Variants in CEP83 observed in about 807,000 individuals in gnomAD.
CEP83 encodes the protein centrosomal protein 83, also known as centrosomal protein of 83 kDa.
A neutral mutation model predicts 101.9 loss-of-function variants in CEP83; 70 were observed. That is an observed-to-expected ratio of 0.69 (90% CI 0.57 to 0.84). The LOEUF (loss-of-function observed/expected upper bound fraction) is 0.84. CEP83 is among the 40% of genes least tolerant of loss of function. The pLI is 0.00. For synonymous variants in CEP83, 264 were observed against 267.9 expected, an observed-to-expected ratio of 0.99 and a Z score of 0.14; for missense variants, 715 against 787.2, an observed-to-expected ratio of 0.91 and a Z score of 1.10.
intron 2 of CEP83, among the ~76,000 whole-genome samples, chr12:94,419,588 A>G (rs190953922): frequency 1.5e-3 from 232 of 152,300 alleles, no homozygotes; most frequent in Non-Finnish European, 2.8e-3. Flanking sequence ...ACTTTACTAT[A>G]TATCAGTACT....
At chr12:94,301,511 C>T (rs1001023256), downstream of CEP83, among the ~76,000 whole-genome samples, 7 of 152,214 alleles carry the variant, frequency 4.6e-5, no homozygotes, top group Admixed American at 3.3e-4. Flanking sequence ...CTAATCAAAG[C>T]ATGAGTACTG....
At chr12:94,441,335 C>G (rs182008674) in intron 1 of CEP83, among the ~76,000 whole-genome samples, 144 of 152,166 alleles carry the variant, frequency 9.5e-4, no homozygotes, top group African/African-American at 3.4e-3. Flanking sequence ...AAGAAAAAAA[C>G]CAAATATTCC....
Position 94,445,373 on chromosome 12 carries a change from T to G in CEP83, c.-154-10046A>C, listed in dbSNP as rs182851129. Among the ~76,000 whole-genome samples the G allele has an allele frequency of 1.3e-3, 197 of 151,934 alleles. 1 individual carries two copies. Among genetic ancestry groups the G allele is most frequent in the African/African-American group, 4.6e-3 (189 of 41,444 alleles). On this transcript the variant is annotated intron_variant, in intron 1 of 16. Transcript: ENST00000397809. ...AGAGGCCTGAATTAAAAACCTAAAC[T>G]ATAAACCTCCTAAAAAAAAATACAG...
downstream of CEP83, chr12:94,304,202 A>G (rs1968772328): frequency 6.8e-6 from 4 of 588,198 alleles, no homozygotes; most frequent in South Asian, 6.6e-5. Context: ...CCTGGCACTG[A>G]GCCAGACCCT....
intron 1 of CEP83, among the ~76,000 whole-genome samples, chr12:94,448,284 C>T (rs2066957982): frequency 6.6e-6 from 1 of 151,862 alleles, no homozygotes; most frequent in African/African-American, 2.4e-5. Context: ...TCCATCTAAC[C>T]AAAGAACCCC....
intron 2 of CEP83, among the ~76,000 whole-genome samples, chr12:94,433,710 T>C (rs1402329535): frequency 6.6e-6 from 1 of 151,132 alleles, no homozygotes; most frequent in Non-Finnish European, 1.5e-5. Context: ...AAAAGAAAAT[T>C]AATTTGGGGG....
intron 6 of CEP83, among the ~76,000 whole-genome samples, chr12:94,393,559 C>T (rs573603771): frequency 6.4e-4 from 97 of 152,300 alleles, no homozygotes; most frequent in African/African-American, 2.2e-3. Context: ...CCTTTAAAAA[C>T]CAGCACAAGA....
In CEP83 at chr12:94,335,439, T is replaced by C. The variant is rs1026999375; in HGVS notation, c.1419+150A>G. ...ATAGAAGTTTAAACATTTTAAAACA[T>C]TTTATCTTTACATATCACCTCCAAC... On this transcript the variant is annotated intron_variant, in intron 12 of 16. Coordinates refer to ENST00000397809, the MANE Select transcript of CEP83 (RefSeq NM_016122.3). The C allele has an allele frequency of 2.9e-5, 17 of 588,018 alleles. No homozygotes were observed. In the African/African-American group the frequency reaches 3.3e-4, roughly 11 times the overall value. The allele number at this position is 588,018 out of a possible 1,614,324, so 36.4% of individuals were successfully genotyped here.
intron 14 of CEP83, among the ~76,000 whole-genome samples, chr12:94,330,983 C>T (rs1022756089): frequency 5.3e-5 from 8 of 152,052 alleles, no homozygotes; most frequent in Non-Finnish European, 1.2e-4. Flanking sequence ...CAACTATATA[C>T]TTTATTCTCC....
chr12:94,427,115 T>C (rs1394989466), intron 2 of CEP83, among the ~76,000 whole-genome samples: 1 of 152,248 alleles, frequency 6.6e-6, no homozygotes, highest in Non-Finnish European at 1.5e-5. Flanking sequence ...TCTAACACAA[T>C]TTTAAATTCC....
Position 94,335,633 on chromosome 12 carries a change from C to A in CEP83, c.1375G>T (p.Glu459Ter). ...TCATTTTTTTCCTTCTCTGCATTTT[C>A]AATAGTCACAATTTGTTGCTGAAGT... ...LKLQQQIVTIENAEKEKNENS... is the reference protein window; with the variant it reads ...LKLQQQIVTI The change falls in exon 12 of 17, where the codon GAA (glutamate) becomes TAA (stop). Residue 459 changes from glutamate to a stop codon, truncating the protein, a stop_gained. Transcript: ENST00000397809. LOFTEE classifies it high-confidence loss of function. 1 of 1,585,608 alleles carries A rather than the reference C, an allele frequency of 6.3e-7. No homozygotes were observed. Among genetic ancestry groups the A allele is most frequent in the East Asian group, 2.3e-5 (1 of 43,318 alleles).
At chr12:94,348,748 A>G (rs1358787127) in intron 11 of CEP83, among the ~76,000 whole-genome samples, 4 of 152,150 alleles carry the variant, frequency 2.6e-5, no homozygotes, top group African/African-American at 7.2e-5. Context: ...ATGCATTGAA[A>G]ACTGCAATGC....
chr12:94,299,273 T>TAATA, the CEP83 span, among the ~76,000 whole-genome samples: 2 of 152,234 alleles, frequency 1.3e-5, no homozygotes, highest in South Asian at 2.1e-4. Context: ...TTTTATATTT[T>TAATA]AATATTTTAC....
intron 11 of CEP83, among the ~76,000 whole-genome samples, chr12:94,353,718 A>C (rs1177247352): frequency 6.9e-6 from 1 of 145,258 alleles, no homozygotes; most frequent in Non-Finnish European, 1.5e-5. Flanking sequence ...ACATAGTCTG[A>C]AAACGAAGTG....
chr12:94,447,041 AAC>A (rs1461337474), intron 1 of CEP83, among the ~76,000 whole-genome samples: 1 of 152,222 alleles, frequency 6.6e-6, no homozygotes, highest in Non-Finnish European at 1.5e-5. Context: ...TTTTTAAAGA[AAC>A]ACAAAAAACT....
rs753506333 is a variant in CEP83 at position 94,412,439 on chromosome 12, G to A, written c.52C>T (p.Pro18Ser). 2 of 1,612,460 alleles carry A rather than the reference G, an allele frequency of 1.2e-6. No homozygotes were observed. Among genetic ancestry groups the A allele is most frequent in the Non-Finnish European group, 1.7e-6 (2 of 1,179,322 alleles). Residue 18 changes from proline (P) to serine (S), a missense_variant, in exon 3 of 17, where the codon CCT becomes TCT. Physicochemically the swap from Pro to Ser is moderately conservative, Grantham distance 74. Transcript: ENST00000397809. ...CCTGTCAATCCACTGTCTCCACCAG[G>A]AGGAAAATTATTGGGAAAAGTGTCC... ...DMDTFPNNFP[P>S]GGDSGLTGSQ...
intron 14 of CEP83, among the ~76,000 whole-genome samples, chr12:94,322,420 A>T (rs1021491643): frequency 1.3e-5 from 2 of 152,178 alleles, no homozygotes; most frequent in African/African-American, 4.8e-5. Flanking sequence ...GATTCAAGTA[A>T]AAAAGCAGTC....
intron 2 of CEP83, among the ~76,000 whole-genome samples, chr12:94,414,149 C>T (rs180985670): frequency 9.9e-5 from 15 of 152,272 alleles, no homozygotes; most frequent in Admixed American, 7.2e-4. Context: ...AGATTTAACA[C>T]GCACTGGGAT....
chr12:94,343,485 T>TC (rs2059790304), intron 11 of CEP83, among the ~76,000 whole-genome samples: 1 of 127,510 alleles, frequency 7.8e-6, no homozygotes, highest in African/African-American at 3.1e-5. Context: ...TTTTTTTTTT[T>TC]TTTTTTTTTT....
Sources: allele counts gnomAD v4.1 joint callset (sites outside exome capture counted in the v4.1 genomes callset), GRCh38; gene constraint gnomAD v4.1.1; transcripts MANE v1.5; gene names NCBI Gene and HGNC (gene_info 2026-07-23, HGNC 2026-07-21).